The following ETV1 variants were observed in gnomAD, a reference collection of about 807,000 sequenced individuals.
The protein encoded by ETV1 is ETS variant transcription factor 1.
Under a neutral mutation model 62.3 loss-of-function variants are expected in ETV1, and 27 were observed. The ratio of observed to expected loss-of-function variants is 0.43; its 90% CI spans 0.32 to 0.60. The LOEUF is 0.60. ETV1 is among the 20% of genes least tolerant of loss of function. The probability of loss-of-function intolerance (pLI) is 0.06; values close to 1 mark genes in which losing one functional copy is unlikely to be tolerated. For synonymous variants in ETV1, 222 were observed against 199.6 expected (o/e 1.11, Z -0.94); for missense variants, 605 against 605.8 (o/e 1.00, Z 0.01).
At chr7:13,897,406 G>A (rs1269340937) in intron 13 of ETV1, among the ~76,000 whole-genome samples, 5 of 152,154 alleles carry the variant, frequency 3.3e-5, no homozygotes, top group Admixed American at 2.6e-4. Flanking sequence ...TTCAAATTTA[G>A]AACATTTTTT....
At position 13,895,622 on chromosome 7, in the gene ETV1, G is replaced by A. The variant is rs2128398851; in HGVS notation, c.*244C>T. ...TAAAAAGTAATCCCCAAATCCCTCT[G>A]CCCATTCACCCATTAGCTTCCTGTT... On this transcript the variant is annotated 3_prime_UTR_variant, in exon 14 of 14. Transcript: ENST00000430479. The A allele has an allele frequency of 1.3e-5, 6 of 478,026 alleles. No individual in the cohort carries two copies. Among genetic ancestry groups the A allele is most frequent in the East Asian group, 3.1e-5 (1 of 32,530 alleles). 29.6% of individuals were successfully genotyped at this position (478,026 alleles called of 1,614,324 possible).
In ETV1 at chr7:13,894,733, A is replaced by T. The variant is rs3735343; in HGVS notation, c.*1133T>A. The T allele has an allele frequency of 0.31, 73,131 of 232,248 alleles. 12,743 individuals are homozygous for T. The highest frequency in any genetic ancestry group is 0.38 in the Non-Finnish European group (44,612 of 117,308). The allele number at this position is 232,248 out of a possible 1,614,324, so 14.4% of individuals were successfully genotyped here. On this transcript the variant is annotated 3_prime_UTR_variant, in exon 14 of 14. Transcript: ENST00000430479. ...GGTCATAGTAAATTCAGCATGAAAG[A>T]GAATATTACAGAAAAGACAGCAGCA...
In ETV1 at chr7:13,931,483, G is replaced by A; in HGVS notation, c.802+19C>T. On this transcript the variant is annotated intron_variant, in intron 9 of 13. Transcript: ENST00000430479. ...TGAAAAAGTGCCTTGAATGTAATTTGCGCAGAGCGCAGGCCTACCTGAGTC... is the reference window on the plus strand; with the variant it reads ...TGAAAAAGTGCCTTGAATGTAATTTACGCAGAGCGCAGGCCTACCTGAGTC... 1 of 1,613,660 alleles carries A rather than the reference G, an allele frequency of 6.2e-7. No homozygotes were observed. Among genetic ancestry groups the A allele is most frequent in the Non-Finnish European group, 8.5e-7 (1 of 1,179,726 alleles).
At chr7:13,973,574 T>G (rs1428076735) in intron 6 of ETV1, among the ~76,000 whole-genome samples, 1 of 152,194 alleles carries the variant, frequency 6.6e-6, no homozygotes, top group African/African-American at 2.4e-5. Context: ...AAGAATAAAA[T>G]TAGCTGGTTA....
chr7:13,989,648 G>T lies in ETV1; in HGVS notation c.-370C>A. The stretch of plus-strand genomic sequence containing the variant: ...AATTATAGCCCAGCACTTCCCCCTT[G>T]GAAGCCGAAAGCGCCTCTGACAGAG... On this transcript the variant is annotated 5_prime_UTR_variant, in exon 1 of 14. Coordinates refer to ENST00000430479, the MANE Select transcript of ETV1 (RefSeq NM_004956.5). 2.5e-6 allele frequency: 1 copy of T among 399,000 alleles called. No individual in the cohort carries two copies. The highest frequency in any genetic ancestry group is 1.3e-4 in the South Asian group (1 of 7,840). The allele number at this position is 399,000 out of a possible 1,614,324, so 24.7% of individuals were successfully genotyped here.
chr7:13,974,545 G>T (rs377284779), intron 6 of ETV1, among the ~76,000 whole-genome samples: 6 of 152,172 alleles, frequency 3.9e-5, no homozygotes, highest in Non-Finnish European at 8.8e-5. Flanking sequence ...CAACCAAAAG[G>T]CTGACTCAGA....
At chr7:13,955,146 A>T (rs555750546) in intron 6 of ETV1, among the ~76,000 whole-genome samples, 19 of 152,268 alleles carry the variant, frequency 1.2e-4, no homozygotes, top group African/African-American at 4.6e-4. Context: ...CATTTTTATA[A>T]TTTTTACCCC....
chr7:13,932,072 C>T (rs558104829), intron 8 of ETV1, among the ~76,000 whole-genome samples: 9 of 129,868 alleles, frequency 6.9e-5, no homozygotes, highest in Non-Finnish European at 1.1e-4. Flanking sequence ...ACACACACAA[C>T]GATTAATGGC....
intron 3 of ETV1, chr7:13,988,780 A>G (rs777200657): frequency 6.2e-7 from 1 of 1,609,254 alleles, no homozygotes. Context: ...GGGCACTTTA[A>G]TCAGAAAAAG....
chr7:13,942,165 A>T (rs1465648955), intron 6 of ETV1, among the ~76,000 whole-genome samples: 1 of 151,326 alleles, frequency 6.6e-6, no homozygotes, highest in African/African-American at 2.4e-5. Context: ...CTGGGACTAC[A>T]GGCGCCCGCC....
In ETV1 at chr7:13,937,688, G is replaced by A. The variant is rs568490296; in HGVS notation, c.365+1429C>T. ...TGTGGATACACAGTACTTGTAAGGAGAAAATGCAAAAACAAAACTAAACTA... is the reference window on the plus strand; with the variant it reads ...TGTGGATACACAGTACTTGTAAGGAAAAAATGCAAAAACAAAACTAAACTA... On this transcript the variant is annotated intron_variant, in intron 7 of 13. Coordinates refer to ENST00000430479, the MANE Select transcript of ETV1 (RefSeq NM_004956.5). Among the ~76,000 whole-genome samples the A allele has an allele frequency of 1.2e-4, 18 of 152,284 alleles. No individual in the cohort carries two copies. The East Asian group carries it at 2.3e-3, about 20-fold the overall frequency.
intron 9 of ETV1, among the ~76,000 whole-genome samples, chr7:13,925,749 TA>T (rs1410443719): frequency 6.6e-6 from 1 of 151,550 alleles, no homozygotes; most frequent in East Asian, 1.9e-4. Flanking sequence ...GTATTTTTTT[TA>T]GTAGAGACGG....
chr7:13,901,325 G>C (rs75245179), intron 12 of ETV1, among the ~76,000 whole-genome samples: 1 of 152,094 alleles, frequency 6.6e-6, no homozygotes, highest in African/African-American at 2.4e-5. Flanking sequence ...TTTAAACCAG[G>C]CGTGCAGTGA....
intron 6 of ETV1, among the ~76,000 whole-genome samples, chr7:13,959,851 C>G (rs957339791): frequency 7.0e-6 from 1 of 143,720 alleles, no homozygotes; most frequent in Non-Finnish European, 1.5e-5. Context: ...CCACTGCCCT[C>G]CAGCCTGGGC....
chr7:13,915,672 T>C (rs1368618614), intron 9 of ETV1, among the ~76,000 whole-genome samples: 2 of 152,210 alleles, frequency 1.3e-5, no homozygotes, highest in African/African-American at 4.8e-5. Flanking sequence ...AGCCTGCTTT[T>C]CCAATTGTCA....
chr7:13,923,099 G>C (rs1022256423), intron 9 of ETV1, among the ~76,000 whole-genome samples: 1 of 152,142 alleles, frequency 6.6e-6, no homozygotes, highest in African/African-American at 2.4e-5. Flanking sequence ...CTTAAGTTTT[G>C]TGCAAGTTTA....
chr7:13,963,241 C>T (rs1030776193), intron 6 of ETV1, among the ~76,000 whole-genome samples: 1 of 151,922 alleles, frequency 6.6e-6, no homozygotes, highest in African/African-American at 2.4e-5. Flanking sequence ...GTTCACAGCA[C>T]CTAGCACAAT....
chr7:13,951,195 C>G (rs1275521073), intron 6 of ETV1, among the ~76,000 whole-genome samples: 1 of 152,092 alleles, frequency 6.6e-6, no homozygotes, highest in Admixed American at 6.6e-5. Context: ...CATGTTCTCT[C>G]TCTCTCACAC....
At chr7:13,906,869 C>T (rs1783024187) in intron 11 of ETV1, among the ~76,000 whole-genome samples, 1 of 152,060 alleles carries the variant, frequency 6.6e-6, no homozygotes, top group Non-Finnish European at 1.5e-5. Flanking sequence ...CATTTACTTA[C>T]AAAAATATTG....
Sources: allele counts gnomAD v4.1 joint callset (sites outside exome capture counted in the v4.1 genomes callset), GRCh38; gene constraint gnomAD v4.1.1; transcripts MANE v1.5; gene names NCBI Gene and HGNC (gene_info 2026-07-23, HGNC 2026-07-21).